The following RNF175 variants were observed in gnomAD, a reference collection of about 807,000 sequenced individuals.
RNF175 encodes the protein ring finger protein 175.
Under a neutral mutation model 50.0 loss-of-function variants are expected in RNF175, and 38 were observed. The observed-to-expected ratio is 0.76, with a 90% CI of 0.59 to 1.00. RNF175 has a LOEUF of 1.00. Among genes scored for constraint, RNF175 ranks in the 50% least tolerant of loss-of-function variants. The pLI is 0.00. For synonymous variants in RNF175, 155 were observed against 146.1 expected, an observed-to-expected ratio of 1.06 and a Z score of -0.44; for missense variants, 388 against 409.6, an observed-to-expected ratio of 0.95 and a Z score of 0.46.
At chr4:153,729,957 G>A (rs757264312) in intron 3 of RNF175, among the ~76,000 whole-genome samples, 2 of 152,180 alleles carry the variant, frequency 1.3e-5, no homozygotes, top group Non-Finnish European at 2.9e-5. Flanking sequence ...CTTTGTGGGT[G>A]TGGAAAATGA....
intron 8 of RNF175, among the ~76,000 whole-genome samples, chr4:153,710,759 T>C (rs1737517380): frequency 6.6e-6 from 1 of 152,148 alleles, no homozygotes; most frequent in African/African-American, 2.4e-5. Flanking sequence ...GGGTATATGC[T>C]AAAAGAAGGA....
At chr4:153,759,744 A>G in intron 1 of RNF175, 53 bp downstream of exon 1, 2 of 1,230,080 alleles carry the variant, frequency 1.6e-6, no homozygotes, top group Non-Finnish European at 2.2e-6. Context: ...CACCAGCGTG[A>G]GCCCCGGGAC....
chr4:153,735,039 T>A (rs1422926366), intron 3 of RNF175, among the ~76,000 whole-genome samples: 2 of 152,158 alleles, frequency 1.3e-5, no homozygotes, highest in South Asian at 4.1e-4. Context: ...ATCTTATTTA[T>A]ATTTTCTCTC....
intron 3 of RNF175, chr4:153,729,767 A>G (rs1738925857): frequency 1.0e-6 from 1 of 984,968 alleles, no homozygotes; most frequent in South Asian, 4.7e-5. Context: ...AGTTGTTATC[A>G]TAGATATGCA....
chr4:153,735,014 A>T (rs899140786), intron 3 of RNF175, among the ~76,000 whole-genome samples: 10 of 152,038 alleles, frequency 6.6e-5, no homozygotes, highest in South Asian at 4.2e-4. Flanking sequence ...GCAGTTTTTA[A>T]TTTCAATAAA....
chr4:153,745,874 C>T (rs1739941941), intron 3 of RNF175: 1 of 152,228 alleles, frequency 6.6e-6, no homozygotes, highest in South Asian at 2.1e-4. Context: ...TCTCATTAGG[C>T]CCCACCTCCC....
chr4:153,716,584 T>C (rs1377014395), intron 6 of RNF175, among the ~76,000 whole-genome samples: 2 of 152,200 alleles, frequency 1.3e-5, no homozygotes, highest in African/African-American at 4.8e-5. Flanking sequence ...AATTATTTTA[T>C]AATAGTTTTA....
At chr4:153,733,662 T>A (rs576375030) in intron 3 of RNF175, among the ~76,000 whole-genome samples, 52 of 152,200 alleles carry the variant, frequency 3.4e-4, no homozygotes, top group Non-Finnish European at 7.1e-4. Flanking sequence ...TCCATATTTT[T>A]AATGCAGTTA....
intron 3 of RNF175, 105 bp from the exon 4 acceptor site, chr4:153,728,466 A>G (rs1738845013): frequency 2.1e-6 from 2 of 942,340 alleles, no homozygotes; most frequent in African/African-American, 3.2e-5. Context: ...CACCTTCACC[A>G]TCATGTCTGT....
chr4:153,730,585 T>C (rs1399925125), intron 3 of RNF175, among the ~76,000 whole-genome samples: 1 of 152,240 alleles, frequency 6.6e-6, no homozygotes, highest in Non-Finnish European at 1.5e-5. Context: ...GAAATGGACA[T>C]GAACTTCATC....
At chr4:153,743,872 C>T (rs1022194200) in intron 3 of RNF175, among the ~76,000 whole-genome samples, 4 of 152,148 alleles carry the variant, frequency 2.6e-5, no homozygotes, top group Non-Finnish European at 5.9e-5. Flanking sequence ...AGCTAACTAA[C>T]AGAGGTCAGG....
chr4:153,728,539 A>T (rs2127123491), intron 3 of RNF175, among the ~76,000 whole-genome samples, 178 bp from the exon 4 acceptor site: 1 of 152,332 alleles, frequency 6.6e-6, no homozygotes, highest in South Asian at 2.1e-4. Context: ...TATGGGGAGT[A>T]TGGGCACAAT....
intron 3 of RNF175, among the ~76,000 whole-genome samples, chr4:153,739,057 C>G (rs1739504614): frequency 6.6e-6 from 1 of 152,190 alleles, no homozygotes; most frequent in African/African-American, 2.4e-5. Context: ...TTTCAGTTAT[C>G]CATATAACAT....
intron 7 of RNF175, chr4:153,713,233 T>A (rs1737707414): frequency 6.6e-6 from 1 of 152,302 alleles, no homozygotes; most frequent in African/African-American, 2.4e-5. Context: ...CAAACTTGAG[T>A]GAACCCTATG....
At chr4:153,727,398 G>T (rs1738762908) in intron 4 of RNF175, among the ~76,000 whole-genome samples, 1 of 152,034 alleles carries the variant, frequency 6.6e-6, no homozygotes, top group South Asian at 2.1e-4. Flanking sequence ...TTTCTCATTG[G>T]ATATTTTTCC....
chr4:153,715,927 G>A lies in RNF175; in HGVS notation c.631-265C>T, dbSNP rs138524317. ...AAATACAAAAAAATTAGCCAGGTGC[G>A]GTGGTGGGTGCCTGTAATCCCAGCT... On this transcript the variant is annotated intron_variant, in intron 6 of 8. Transcript: ENST00000347063. Among the ~76,000 whole-genome samples, 734 of 152,086 alleles carry A rather than the reference G, an allele frequency of 4.8e-3. 4 individuals are homozygous for A. The highest frequency in any genetic ancestry group is 0.017 in the African/African-American group (693 of 41,480).
At chr4:153,713,648 G>A (rs1216540504) in intron 7 of RNF175, 1 of 152,216 alleles carries the variant, frequency 6.6e-6, no homozygotes, top group Non-Finnish European at 1.5e-5. Flanking sequence ...GCTTGGAGGT[G>A]TAGCAAGTCA....
chr4:153,716,179 C>T (rs1027518958), intron 6 of RNF175, among the ~76,000 whole-genome samples: 9 of 151,668 alleles, frequency 5.9e-5, no homozygotes, highest in East Asian at 1.9e-4. Flanking sequence ...CAGGCAAAAA[C>T]TCATTGAATT....
intron 7 of RNF175, chr4:153,715,316 A>G: frequency 1.6e-6 from 1 of 617,940 alleles, no homozygotes; most frequent in East Asian, 3.0e-5. Context: ...CTCTTTAGAA[A>G]GGAAATTACT....
Sources: allele counts gnomAD v4.1 joint callset (sites outside exome capture counted in the v4.1 genomes callset), GRCh38; gene constraint gnomAD v4.1.1; transcripts MANE v1.5; gene names NCBI Gene and HGNC (gene_info 2026-07-23, HGNC 2026-07-21).